The following BRD9 variants were observed in gnomAD, a reference collection of about 807,000 sequenced individuals.
BRD9 encodes the protein bromodomain-containing protein 9.
In BRD9, 47 loss-of-function variants were observed where a neutral mutation model predicts 68.7. The ratio of observed to expected loss-of-function variants is 0.68; its 90% CI spans 0.54 to 0.87. The LOEUF (loss-of-function observed/expected upper bound fraction) is 0.87, where lower values mean the gene tolerates loss of function less well. Among genes scored for constraint, BRD9 ranks in the 40% least tolerant of loss-of-function variants. The probability of loss-of-function intolerance (pLI) is 0.00; values close to 1 mark genes in which losing one functional copy is unlikely to be tolerated. For missense variants in BRD9, 670 were observed against 748.4 expected (o/e 0.90, Z 1.22); for synonymous variants, 313 against 293.9 (o/e 1.06, Z -0.67).
chr5:881,506 A>C, intron 8 of BRD9: 1 of 412,928 alleles, frequency 2.4e-6, no homozygotes, highest in South Asian at 2.4e-5. Flanking sequence ...TCAGCATGGC[A>C]CTGCCCTGAC....
At chr5:883,832 G>A in intron 8 of BRD9, 106 bp downstream of exon 8, 1 of 1,486,182 alleles carries the variant, frequency 6.7e-7, no homozygotes, top group South Asian at 1.2e-5. Context: ...GCTGACCTCT[G>A]GATCCCGGTG....
In BRD9 at chr5:864,413, C is replaced by A; in HGVS notation, c.*55G>T. ...TCCTTGTCTGATGACAAAAACTCTA[C>A]ACGTGCAAAATAAAACTAAAAAAAT... On this transcript the variant is annotated 3_prime_UTR_variant, in exon 16 of 16. Coordinates refer to ENST00000467963, the MANE Select transcript of BRD9 (RefSeq NM_023924.5). 2 of 1,439,740 alleles carry A rather than the reference C, an allele frequency of 1.4e-6. No homozygotes were observed. The highest frequency in any genetic ancestry group is 2.1e-5 in the Admixed American group (1 of 47,940). 89.2% of individuals were successfully genotyped at this position (1,439,740 alleles called of 1,614,324 possible).
At position 887,827 on chromosome 5, in the gene BRD9, A is replaced by G. The variant is rs376700596; in HGVS notation, c.607-356T>C. Among the ~76,000 whole-genome samples the G allele has an allele frequency of 1.2e-4, 18 of 152,346 alleles. No individual in the cohort carries two copies. The East Asian group carries it at 3.3e-3, about 28-fold the overall frequency. The stretch of plus-strand genomic sequence containing the variant: ...GATTCTTTCAAGTGCAAGTCAAGGG[A>G]TGAAGGCAGGCGTGCGGCACAGTGA... On this transcript the variant is annotated intron_variant, in intron 5 of 15. Transcript: ENST00000467963.
At chr5:892,437 G>C in intron 1 of BRD9, 169 bp downstream of exon 1, 1 of 1,392,436 alleles carries the variant, frequency 7.2e-7, no homozygotes, top group South Asian at 1.5e-5. Flanking sequence ...CCCCTCACGT[G>C]TGCCCGGTTC....
intron 5 of BRD9, 145 bp from the exon 6 acceptor site, chr5:887,616 T>C: frequency 1.5e-6 from 1 of 681,326 alleles, no homozygotes; most frequent in Non-Finnish European, 2.5e-6. Context: ...AAACATAACG[T>C]TTAAGAACTT....
Position 891,242 on chromosome 5 carries a change from C to T in BRD9, c.313G>A (p.Gly105Arg). The T allele has an allele frequency of 6.4e-7, 1 of 1,551,928 alleles. No homozygotes were observed. Among genetic ancestry groups the T allele is most frequent in the Non-Finnish European group, 8.7e-7 (1 of 1,147,054 alleles). The change falls in exon 3 of 16, where the codon GGA becomes AGA. Residue 105 changes from glycine to arginine, a missense_variant. Coordinates refer to ENST00000467963, the MANE Select transcript of BRD9 (RefSeq NM_023924.5). ...KREREHCDTE[G>R]EADDFDPGKK... ...CCAGGATCAAAGTCGTCAGCCTCTCCCTCCGTGTCACAGTGCTCCCTCTCT... is the reference window on the plus strand; with the variant it reads ...CCAGGATCAAAGTCGTCAGCCTCTCTCTCCGTGTCACAGTGCTCCCTCTCT...
At chr5:868,343 A>G (rs1490667809) in intron 14 of BRD9, among the ~76,000 whole-genome samples, 4 of 152,206 alleles carry the variant, frequency 2.6e-5, no homozygotes, top group Non-Finnish European at 4.4e-5. Context: ...ACCACAGCAC[A>G]TCAGCACCAA....
At position 871,534 on chromosome 5, in the gene BRD9, C is replaced by T. The variant is rs770650962; in HGVS notation, c.1414G>A (p.Glu472Lys). 1.2e-6 allele frequency: 2 copies of T among 1,614,042 alleles called. No homozygotes were observed. The highest frequency in any genetic ancestry group is 1.7e-6 in the Non-Finnish European group (2 of 1,179,974). The change falls in exon 13 of 16, where the codon GAA (glutamate) becomes AAA (lysine). Residue 472 changes from glutamate (E) to lysine (K), a missense_variant. Glu to Lys is a moderately conservative substitution (Grantham distance 56). Around this residue, in one of 5 missense-constraint regions of BRD9, gnomAD observed 280 missense variants for 281.5 expected, o/e 0.99. Coordinates refer to ENST00000467963, the MANE Select transcript of BRD9 (RefSeq NM_023924.5). ...CATGTTCAAAAACTTACCTTGGCTT[C>T]ATCTGGAGGCTTCATGGGAACATTT... ...RRNVPMKPPD[E>K]AKVGDTLGDS...
intron 3 of BRD9, among the ~76,000 whole-genome samples, chr5:890,412 A>G (rs527885220): frequency 6.6e-6 from 1 of 152,240 alleles, no homozygotes; most frequent in East Asian, 1.9e-4. Flanking sequence ...CTGGATGCTG[A>G]GAGTTGCTGG....
At chr5:883,304 A>T in intron 8 of BRD9, 1 of 456,522 alleles carries the variant, frequency 2.2e-6, no homozygotes. Context: ...GTTGAGATAA[A>T]ATGTTGGATA....
At chr5:872,521 C>G (rs1484276229) in intron 12 of BRD9, among the ~76,000 whole-genome samples, 1 of 152,154 alleles carries the variant, frequency 6.6e-6, no homozygotes, top group East Asian at 1.9e-4. Context: ...GTTGGGGGGG[C>G]CAGCTTCCTG....
At chr5:866,410 G>A (rs376877875) in intron 14 of BRD9, 5 of 152,280 alleles carry the variant, frequency 3.3e-5, no homozygotes, top group African/African-American at 1.2e-4. Context: ...TAGACAAAGT[G>A]TAGTAACAGT....
In BRD9 at chr5:864,216, A is replaced by G. The variant is rs1749007621; in HGVS notation, c.*252T>C. 3.1e-6 allele frequency: 1 copy of G among 320,844 alleles called. No homozygotes were observed. The highest frequency in any genetic ancestry group is 6.0e-6 in the Non-Finnish European group (1 of 167,990). The allele number at this position is 320,844 out of a possible 1,614,324, so 19.9% of individuals were successfully genotyped here. On this transcript the variant is annotated 3_prime_UTR_variant, in exon 16 of 16. Coordinates refer to ENST00000467963, the MANE Select transcript of BRD9 (RefSeq NM_023924.5). ...TGTATGACTCCACTCCTCAGGGTTC[A>G]CGGGGCTGTGTACAGAGACTCTCTC...
chr5:882,009 C>T (rs1326492676), intron 8 of BRD9: 6 of 152,656 alleles, frequency 3.9e-5, no homozygotes, highest in Non-Finnish European at 8.8e-5. Context: ...CATGTAAACA[C>T]AGGTGCCAAC....
At chr5:890,653 G>A (rs973368256) in intron 3 of BRD9, among the ~76,000 whole-genome samples, 5 of 152,152 alleles carry the variant, frequency 3.3e-5, no homozygotes, top group African/African-American at 4.8e-5. Context: ...TTTGGGCCTC[G>A]AGGTCCCTTC....
chr5:876,295 C>T, intron 11 of BRD9, 83 bp from the exon 12 acceptor site: 9 of 1,025,662 alleles, frequency 8.8e-6, no homozygotes, highest in African/African-American at 1.6e-5. Context: ...AGAAGCCTGC[C>T]GTGCCAGCGC....
At chr5:881,576 C>CCA (rs1751767850) in intron 8 of BRD9, 1 of 309,414 alleles carries the variant, frequency 3.2e-6, no homozygotes, top group African/African-American at 2.2e-5. Flanking sequence ...AACCCACCAC[C>CCA]CACACCCCAG....
At chr5:876,002 A>G in intron 12 of BRD9, 99 bp downstream of exon 12, 3 of 781,150 alleles carry the variant, frequency 3.8e-6, no homozygotes, top group Non-Finnish European at 6.2e-6. Flanking sequence ...TCCCTGCGAC[A>G]GCTCCTCGTC....
chr5:890,083 C>T (rs1209363643), intron 3 of BRD9: 2 of 324,884 alleles, frequency 6.2e-6, no homozygotes, highest in Admixed American at 4.1e-5. Context: ...GTAGTCCCAG[C>T]AACTTGGGAG....
Sources: allele counts gnomAD v4.1 joint callset (sites outside exome capture counted in the v4.1 genomes callset), GRCh38; gene constraint gnomAD v4.1.1; regional missense constraint gnomAD v4.1.1; transcripts MANE v1.5; gene names NCBI Gene and HGNC (gene_info 2026-07-23, HGNC 2026-07-21).